The following CARHSP1 variants were observed in gnomAD, a reference collection of about 807,000 sequenced individuals.
CARHSP1 encodes the protein calcium regulated heat stable protein 1, also known as calcium-regulated heat-stable protein 1.
Under a neutral mutation model 12.5 loss-of-function variants are expected in CARHSP1, and 14 were observed. The ratio of observed to expected loss-of-function variants is 1.12; its 90% CI spans 0.74 to 1.75. CARHSP1 has a LOEUF of 1.75. Among genes scored for constraint, CARHSP1 ranks in the 40% most tolerant of loss-of-function variants. CARHSP1 has a pLI of 0.00. For missense variants in CARHSP1, 343 were observed against 201.6 expected, an observed-to-expected ratio of 1.70 and a Z score of -4.25; for synonymous variants, 161 against 82.0, an observed-to-expected ratio of 1.96 and a Z score of -5.20.
At chr16:8,860,789 A>C (rs1014124634) in intron 1 of CARHSP1, among the ~76,000 whole-genome samples, 7 of 151,972 alleles carry the variant, frequency 4.6e-5, no homozygotes, top group Non-Finnish European at 1.0e-4. Flanking sequence ...GGTGGCTCAC[A>C]CCTGTAATCC....
In CARHSP1 at chr16:8,853,083, G is replaced by C. The variant is rs568623742; in HGVS notation, c.*2081C>G. On this transcript the variant is annotated 3_prime_UTR_variant, in exon 4 of 4. Coordinates refer to ENST00000311052, the MANE Select transcript of CARHSP1 (RefSeq NM_014316.4). ...CCAGAGCCTCGAGGAGTTTCCCCTT[G>C]TGTAAACCGGTATCGCGTCCCTTCC... is the stretch of plus-strand genomic sequence containing the variant. The C allele has an allele frequency of 6.6e-6, 1 of 152,114 alleles. No homozygotes were observed. Among genetic ancestry groups the C allele is most frequent in the African/African-American group, 2.4e-5 (1 of 41,420 alleles). The allele number at this position is 152,114 out of a possible 1,614,324, so 9.4% of individuals were successfully genotyped here.
intron 1 of CARHSP1, chr16:8,860,346 AT>A (rs1312617218): frequency 1.0e-6 from 1 of 985,306 alleles, no homozygotes; most frequent in African/African-American, 1.7e-5. Context: ...GACCCCTAGT[AT>A]GTACCGGTAA....
At chr16:8,860,475 A>G (rs2061317446) in intron 1 of CARHSP1, 1 of 985,430 alleles carries the variant, frequency 1.0e-6, no homozygotes, top group Non-Finnish European at 1.2e-6. Flanking sequence ...TGTCGGCTCT[A>G]ACGTGGCCTC....
At chr16:8,859,824 A>G (rs1201419297) in intron 1 of CARHSP1, 1 of 152,752 alleles carries the variant, frequency 6.5e-6, no homozygotes, top group Non-Finnish European at 1.5e-5. Context: ...ATACGAATAC[A>G]AAAATTAGCT....
intron 3 of CARHSP1, chr16:8,857,592 C>G (rs2061181504): frequency 8.3e-6 from 1 of 121,118 alleles, no homozygotes; most frequent in African/African-American, 3.2e-5. Flanking sequence ...ATGCCCGATC[C>G]TTTTTTTTTT....
intron 2 of CARHSP1, chr16:8,858,687 C>T (rs966492504): frequency 2.7e-5 from 15 of 552,508 alleles, no homozygotes; most frequent in South Asian, 5.3e-5. Context: ...CCAATTTTCT[C>T]GGGCCTGTTT....
rs2060990321 is a variant in CARHSP1 at position 8,853,111 on chromosome 16, C to G, written c.*2053G>C. ...TAAACCGGTATCGCGTCCCTTCCAG[C>G]TCTGACATCCTGCGGTTCTAGAATA... is the stretch of plus-strand genomic sequence containing the variant. On this transcript the variant is annotated 3_prime_UTR_variant, in exon 4 of 4. Coordinates refer to ENST00000311052, the MANE Select transcript of CARHSP1 (RefSeq NM_014316.4). 1 of 152,152 alleles carries G rather than the reference C, an allele frequency of 6.6e-6. No homozygotes were observed. The allele number at this position is 152,152 out of a possible 1,614,324, so 9.4% of individuals were successfully genotyped here. A position where few individuals can be genotyped will look rare whatever the true frequency, so the allele number is the denominator to read the frequency against.
chr16:8,868,804 C>T (rs2061487314), intron 1 of CARHSP1, 162 bp downstream of exon 1: 1 of 152,236 alleles, frequency 6.6e-6, no homozygotes, highest in Non-Finnish European at 1.5e-5. Flanking sequence ...GTTCCCCAAA[C>T]AGGCCCCGAG....
chr16:8,860,059 G>A (rs998531876), intron 1 of CARHSP1: 7 of 832,064 alleles, frequency 8.4e-6, no homozygotes, highest in South Asian at 5.5e-5. Flanking sequence ...CCTCCCTGAC[G>A]CTGCTGGGAG....
Position 8,859,215 on chromosome 16 carries a change from C to G in CARHSP1, c.114G>C (p.Val38=), listed in dbSNP as rs148451719. 1,096 of 1,602,480 alleles carry G rather than the reference C, an allele frequency of 6.8e-4. 12 individuals carry two copies. The African/African-American group carries it at 0.012, about 18-fold the overall frequency. ...GGCGAGTGGGCAGTGGGCTTGGGAC[C>G]ACGTTGCCCCGCAGAGGGGATGGTG... ...ERSPSPLRGN[V]VPSPLPTRRT... is the part of the protein sequence containing the mutation. Residue 38 remains valine, a synonymous_variant, in exon 2 of 4, where the codon GTG becomes GTC. Transcript: ENST00000311052.
intron 1 of CARHSP1, chr16:8,861,663 T>G: frequency 1.6e-6 from 2 of 1,289,102 alleles, no homozygotes; most frequent in Non-Finnish European, 2.0e-6. Flanking sequence ...GGTGGCATCC[T>G]ACCTCCTGTC....
intron 2 of CARHSP1, 106 bp from the exon 3 acceptor site, chr16:8,858,578 C>A: frequency 1.5e-6 from 2 of 1,379,150 alleles, no homozygotes; most frequent in South Asian, 2.7e-5. Flanking sequence ...CTGGCCAGGA[C>A]CGCCATGTAC....
chr16:8,859,376 G>C, intron 1 of CARHSP1, 41 bp from the exon 2 acceptor site: 1 of 1,565,240 alleles, frequency 6.4e-7, no homozygotes, highest in Non-Finnish European at 8.6e-7. Flanking sequence ...TGCCTTGCAA[G>C]GTAGGGACCC....
chr16:8,859,171 G>A lies in CARHSP1; in HGVS notation c.158C>T (p.Ala53Val), dbSNP rs149816371. 16 of 1,595,916 alleles carry A rather than the reference G, an allele frequency of 1.0e-5. No individual in the cohort carries two copies. Among genetic ancestry groups the A allele is most frequent in the East Asian group, 2.3e-5 (1 of 44,396 alleles). ...CGTCCCCAGCCTGCTCCAGACTCAC[G>A]CCGAGAAGGTCCTCGTCCGGCGAGT... ...LPTRRTRTFS[A>V]TVRASQGPVY... The change falls in exon 2 of 4, where the codon GCG becomes GTG. Residue 53 changes from alanine to valine, a missense_variant and splice_region_variant. By Grantham distance (64) the Ala-to-Val change is moderately conservative. Transcript: ENST00000311052.
Position 8,857,261 on chromosome 16 carries a change from C to CTGTTTTT in CARHSP1, c.281+1082_281+1088dup, listed in dbSNP as rs1278325573. 4.5e-4 allele frequency among the ~76,000 whole-genome samples: 20 copies of CTGTTTTT among 44,306 alleles called. 1 individual carries two copies. The highest frequency in any genetic ancestry group is 1.2e-3 in the African/African-American group (12 of 9,802). 29.1% of individuals were successfully genotyped at this position (44,306 alleles called of 152,430 possible). ...TCTGGCTATGTGATCTTGGGCAGAT[C>CTGTTTTT]TGTTTTTTTTTTTTTTTTTTTTTTT... On this transcript the variant is annotated intron_variant, in intron 3 of 3. Coordinates refer to ENST00000311052, the MANE Select transcript of CARHSP1 (RefSeq NM_014316.4).
At chr16:8,858,549 A>C in intron 2 of CARHSP1, 77 bp from the exon 3 acceptor site, 1 of 1,556,496 alleles carries the variant, frequency 6.4e-7, no homozygotes, top group East Asian at 2.3e-5. Flanking sequence ...CCCTGCCCAC[A>C]GCTGTGCCCC....
rs71155412 is a variant in CARHSP1, at chr16:8,863,112, C to CTTTTT, written c.-7-3782_-7-3778dup. On this transcript the variant is annotated intron_variant, in intron 1 of 3. Transcript: ENST00000311052. ...GGTCCAGGAATGGCCACAAGGATGGCTTTTTTTTTTTTTTTTTTTTTTTTT... is the reference window on the plus strand; with the variant it reads ...GGTCCAGGAATGGCCACAAGGATGGCTTTTTTTTTTTTTTTTTTTTTTTTTTTTTT... Among the ~76,000 whole-genome samples, 101 of 74,140 alleles carry CTTTTT rather than the reference C, an allele frequency of 1.4e-3. 8 individuals carry two copies. Among genetic ancestry groups the CTTTTT allele is most frequent in the Non-Finnish European group, 1.7e-3 (72 of 43,112 alleles). 48.6% of individuals were successfully genotyped at this position (74,140 alleles called of 152,430 possible). A position where few individuals can be genotyped will look rare whatever the true frequency, so the allele number is the denominator to read the frequency against.
chr16:8,856,714 G>C (rs528347621), intron 3 of CARHSP1, among the ~76,000 whole-genome samples: 2 of 152,214 alleles, frequency 1.3e-5, no homozygotes, highest in Non-Finnish European at 2.9e-5. Context: ...ATGCTGTGCA[G>C]AGTAGGACTC....
Position 8,859,248 on chromosome 16 carries a change from A to G in CARHSP1, c.81T>C (p.Arg27=), listed in dbSNP as rs61730644. The change falls in exon 2 of 4, where the codon CGT becomes CGC. Residue 27 remains arginine (R), a synonymous_variant. Transcript: ENST00000311052. ...CCCGCAGAGGGGATGGTGAGCGCTC[A>G]CGGCTCCGAGGGGTGTCCAGCAGCC... The part of the protein sequence containing the change: ...SVGLLDTPRS[R]ERSPSPLRGN... The G allele has an allele frequency of 2.2e-4, 351 of 1,599,660 alleles. 1 individual carries two copies. The African/African-American group carries it at 4.2e-3, about 19-fold the overall frequency.
Sources: gnomAD v4.1 joint callset for allele counts (sites outside exome capture counted in the v4.1 genomes callset) on GRCh38, gnomAD v4.1.1 for gene constraint, MANE v1.5 for transcripts, NCBI Gene and HGNC (gene_info 2026-07-23, HGNC 2026-07-21) for gene names.